DYNC2LI1: variants seen among roughly 807,000 people sequenced by gnomAD.
DYNC2LI1 encodes cytoplasmic dynein 2 light intermediate chain 1.
Under a neutral mutation model 51.9 loss-of-function variants are expected in DYNC2LI1, and 45 were observed. The observed-to-expected ratio is 0.87, with a 90% CI of 0.68 to 1.11. DYNC2LI1 has a LOEUF of 1.11. DYNC2LI1 is among the 50% of genes most tolerant of loss of function. The pLI, the probability that DYNC2LI1 is intolerant of heterozygous loss-of-function variation, is 0.00. For synonymous variants in DYNC2LI1, 130 were observed against 137.8 expected, an observed-to-expected ratio of 0.94 and a Z score of 0.40; for missense variants, 490 against 417.4, an observed-to-expected ratio of 1.17 and a Z score of -1.51.
At chr2:43,799,150 A>T (rs1395824266) in intron 8 of DYNC2LI1, among the ~76,000 whole-genome samples, 1 of 152,096 alleles carries the variant, frequency 6.6e-6, no homozygotes, top group East Asian at 1.9e-4. Context: ...AAATTTTTTT[A>T]ATTAGCCAGT....
At chr2:43,774,259 G>C (rs1672908943) in intron 1 of DYNC2LI1, 113 bp downstream of exon 1, 3 of 1,378,190 alleles carry the variant, frequency 2.2e-6, no homozygotes, top group African/African-American at 1.4e-5. Flanking sequence ...CTTGCCACCA[G>C]GATATGCAGG....
chr2:43,824,161 T>C, the DYNC2LI1 span: 1 of 1,614,092 alleles, frequency 6.2e-7, no homozygotes, highest in Non-Finnish European at 8.5e-7. Flanking sequence ...TCAGAATTGT[T>C]ATTGGGGGAT....
intron 3 of DYNC2LI1, among the ~76,000 whole-genome samples, chr2:43,786,908 G>A (rs986994090): frequency 4.6e-5 from 7 of 152,152 alleles, no homozygotes; most frequent in South Asian, 2.1e-4. Context: ...TGTGCCCAGC[G>A]TGGCCATCCA....
intron 5 of DYNC2LI1, among the ~76,000 whole-genome samples, chr2:43,790,826 A>G (rs1294730642): frequency 1.3e-5 from 2 of 152,116 alleles, no homozygotes; most frequent in African/African-American, 4.8e-5. Context: ...AGGAACATGG[A>G]ATTTTACAGT....
At chr2:43,789,854 T>G in intron 5 of DYNC2LI1, 133 bp downstream of exon 5, 1 of 653,516 alleles carries the variant, frequency 1.5e-6, no homozygotes, top group South Asian at 2.7e-5. Context: ...ACTTCCTTTC[T>G]AAATGCCTAA....
At chr2:43,814,631 G>T (rs764226065), downstream of DYNC2LI1, 3 of 1,151,136 alleles carry the variant, frequency 2.6e-6, no homozygotes, top group East Asian at 4.7e-5. Flanking sequence ...GTAGGCTCTG[G>T]CAATAGTCCT....
the DYNC2LI1 span, chr2:43,824,751 A>T: frequency 8.6e-3 from 12,632 of 1,463,248 alleles, 926 homozygotes; most frequent in African/African-American, 0.16. Flanking sequence ...GACCCGGCCA[A>T]ATTGATTCCT....
At chr2:43,800,705 T>C in intron 8 of DYNC2LI1, 136 bp from the exon 9 acceptor site, 1 of 496,392 alleles carries the variant, frequency 2.0e-6, no homozygotes, top group Non-Finnish European at 3.5e-6. Context: ...TTTTGTCTAC[T>C]CAAACAGAAG....
chr2:43,826,371 G>A, the DYNC2LI1 span: 1 of 1,613,790 alleles, frequency 6.2e-7, no homozygotes, highest in Non-Finnish European at 8.5e-7. Flanking sequence ...TTTACGAGTT[G>A]AACCTCTTAC....
intron 10 of DYNC2LI1, among the ~76,000 whole-genome samples, chr2:43,802,014 C>A (rs942367746): frequency 6.6e-6 from 1 of 152,162 alleles, no homozygotes; most frequent in African/African-American, 2.4e-5. Flanking sequence ...AATTTTAGCT[C>A]CTTGGCTTTA....
At chr2:43,822,996 T>C in the DYNC2LI1 span, 3 of 1,596,922 alleles carry the variant, frequency 1.9e-6, no homozygotes, top group Non-Finnish European at 2.6e-6. Context: ...AAGGGAGGGC[T>C]AGCCCAAGCT....
chr2:43,774,817 C>T (rs1345657323), intron 1 of DYNC2LI1, among the ~76,000 whole-genome samples: 1 of 152,082 alleles, frequency 6.6e-6, no homozygotes, highest in African/African-American at 2.4e-5. Flanking sequence ...TTATACTTCC[C>T]GATTTCCGCA....
At chr2:43,786,567 C>T (rs1046948225) in intron 3 of DYNC2LI1, among the ~76,000 whole-genome samples, 18 of 151,984 alleles carry the variant, frequency 1.2e-4, no homozygotes, top group South Asian at 4.2e-4. Flanking sequence ...TTTGGGAGGC[C>T]GAGGCGGGCG....
intron 12 of DYNC2LI1, among the ~76,000 whole-genome samples, chr2:43,808,996 C>CACAT (rs1192650172): frequency 3.3e-5 from 5 of 149,738 alleles, no homozygotes; most frequent in African/African-American, 1.3e-4. Flanking sequence ...CACACACACA[C>CACAT]ACACTTTTTT....
downstream of DYNC2LI1, among the ~76,000 whole-genome samples, chr2:43,814,077 T>C (rs556824215): frequency 2.0e-5 from 3 of 152,234 alleles, no homozygotes; most frequent in Admixed American, 1.3e-4. Context: ...CTGGTGGGAT[T>C]GAGGAATAGA....
At chr2:43,781,656 G>A (rs1264371326) in intron 2 of DYNC2LI1, 1 of 148,396 alleles carries the variant, frequency 6.7e-6, no homozygotes, top group Admixed American at 6.8e-5. Flanking sequence ...AGGTTCGAGT[G>A]CAGTGGTGTG....
chr2:43,828,222 A>C, the DYNC2LI1 span: 1 of 1,511,856 alleles, frequency 6.6e-7, no homozygotes, highest in South Asian at 1.2e-5. Context: ...CAAGAATCCA[A>C]GGGCCACTTC....
At chr2:43,818,975 G>C in the DYNC2LI1 span, among the ~76,000 whole-genome samples, 1 of 152,140 alleles carries the variant, frequency 6.6e-6, no homozygotes. Flanking sequence ...ACGAAGTCAC[G>C]TGCGTCACAG....
At chr2:43,816,143 GAGTGATGC>G in the DYNC2LI1 span, among the ~76,000 whole-genome samples, 5 of 152,184 alleles carry the variant, frequency 3.3e-5, no homozygotes, top group African/African-American at 9.7e-5. Context: ...ATGATTTGGT[GAGTGATGC>G]AGTGTGTATA....
Sources: allele counts gnomAD v4.1 joint callset (sites outside exome capture counted in the v4.1 genomes callset), GRCh38; gene constraint gnomAD v4.1.1; transcripts MANE v1.5; gene names NCBI Gene and HGNC (gene_info 2026-07-23, HGNC 2026-07-21).